The following TAFA5 variants were observed in gnomAD, a reference collection of about 807,000 sequenced individuals.
TAFA5 encodes the protein chemokine-like protein TAFA-5.
A neutral mutation model predicts 15.3 loss-of-function variants in TAFA5; 6 were observed. The observed-to-expected ratio is 0.39, with a 90% CI of 0.21 to 0.77. The LOEUF (loss-of-function observed/expected upper bound fraction) is 0.77. Ranked by LOEUF, TAFA5 falls within the 30% of genes least tolerant of loss-of-function variation. The pLI is 0.41. For synonymous variants in TAFA5, 103 were observed against 80.7 expected (o/e 1.28, Z -1.48); for missense variants, 161 against 193.1 (o/e 0.83, Z 0.98).
intron 1 of TAFA5, among the ~76,000 whole-genome samples, chr22:48,532,317 G>A (rs779879128): frequency 5.9e-5 from 9 of 152,172 alleles, no homozygotes; most frequent in Non-Finnish European, 1.2e-4. Flanking sequence ...TATTTACTCC[G>A]CACCTTTTCA....
intron 1 of TAFA5, among the ~76,000 whole-genome samples, chr22:48,584,338 ACACACAC>A: frequency 6.7e-6 from 1 of 148,188 alleles, no homozygotes; most frequent in Admixed American, 6.7e-5. Context: ...CACAGATATC[ACACACAC>A]CACACACACC....
chr22:48,673,564 GC>G (rs1199584672), intron 2 of TAFA5, among the ~76,000 whole-genome samples: 4 of 152,192 alleles, frequency 2.6e-5, no homozygotes, highest in African/African-American at 9.7e-5. Flanking sequence ...GGGTGGGATG[GC>G]TGGTGCCCTG....
chr22:48,501,059 C>T (rs946322938), intron 1 of TAFA5, among the ~76,000 whole-genome samples: 5 of 152,224 alleles, frequency 3.3e-5, no homozygotes, highest in Non-Finnish European at 1.5e-5. Flanking sequence ...GCTTCTGGCC[C>T]TGCCTTCCTT....
chr22:48,641,878 C>T (rs914270647), intron 1 of TAFA5, among the ~76,000 whole-genome samples: 1 of 152,162 alleles, frequency 6.6e-6, no homozygotes, highest in Non-Finnish European at 1.5e-5. Flanking sequence ...AATGTTTTTC[C>T]TTCTGGTCTT....
chr22:48,597,182 AGG>A (rs1924795604), intron 1 of TAFA5, among the ~76,000 whole-genome samples: 1 of 152,258 alleles, frequency 6.6e-6, no homozygotes, highest in African/African-American at 2.4e-5. Context: ...ATGGTCCCAG[AGG>A]GGAGATAGTC....
At chr22:48,610,215 T>C (rs1388416813) in intron 1 of TAFA5, among the ~76,000 whole-genome samples, 2 of 151,986 alleles carry the variant, frequency 1.3e-5, no homozygotes, top group Non-Finnish European at 2.9e-5. Context: ...GCTGCACTGC[T>C]GCAGGCACGT....
chr22:48,490,604 C>T lies in TAFA5; in HGVS notation c.112+900C>T, dbSNP rs6008733. ...CGCGGCTGGTGGGGTAAGTGGGGGC[C>T]GCTCAGCGTCCCGGGCACAGGCTCT... is the stretch of plus-strand genomic sequence containing the variant. On this transcript the variant is annotated intron_variant, in intron 1 of 3. Transcript: ENST00000402357. The surrounding 1 kb of genome is among the most constrained non-coding windows in gnomAD (Gnocchi z 5.8). Among the ~76,000 whole-genome samples, 21,629 of 151,302 alleles carry T rather than the reference C, an allele frequency of 0.14. 1,869 individuals carry two copies. The highest frequency in any genetic ancestry group is 0.33 in the East Asian group (1,653 of 5,054).
At chr22:48,702,962 G>A (rs55657130) in intron 2 of TAFA5, among the ~76,000 whole-genome samples, 24,373 of 152,316 alleles carry the variant, frequency 0.16, 2,105 homozygotes, top group Non-Finnish European at 0.19. Flanking sequence ...CAGGGACGGG[G>A]CAGGCCTGCT....
intron 1 of TAFA5, among the ~76,000 whole-genome samples, chr22:48,498,397 A>G (rs1920936957): frequency 6.6e-6 from 1 of 152,052 alleles, no homozygotes; most frequent in Non-Finnish European, 1.5e-5. Context: ...CCTGGATTCC[A>G]AAGATATCTT....
chr22:48,694,178 C>G (rs1212552319), intron 2 of TAFA5, among the ~76,000 whole-genome samples: 1 of 152,106 alleles, frequency 6.6e-6, no homozygotes, highest in Non-Finnish European at 1.5e-5. Context: ...TAATTGATTC[C>G]CCATAGGTAG....
At chr22:48,502,724 G>C (rs1236478401) in intron 1 of TAFA5, among the ~76,000 whole-genome samples, 4 of 152,094 alleles carry the variant, frequency 2.6e-5, no homozygotes, top group East Asian at 3.9e-4. Context: ...GTTTTGCCAT[G>C]TTGGCCGGGC....
intron 1 of TAFA5, among the ~76,000 whole-genome samples, chr22:48,638,652 T>G (rs1435990975): frequency 3.0e-5 from 3 of 99,706 alleles, no homozygotes; most frequent in African/African-American, 1.2e-4. Flanking sequence ...CCCCACACAC[T>G]AAGCCCTGGG....
At chr22:48,656,467 C>T (rs1357475534) in intron 2 of TAFA5, among the ~76,000 whole-genome samples, 1 of 151,214 alleles carries the variant, frequency 6.6e-6, no homozygotes, top group African/African-American at 2.4e-5. Context: ...GATCGCGTCA[C>T]TGAACTCCAG....
At position 48,528,038 on chromosome 22, in the gene TAFA5, C is replaced by T. The variant is rs527728880; in HGVS notation, c.112+38334C>T. On this transcript the variant is annotated intron_variant, in intron 1 of 3. Transcript: ENST00000402357. ...AGGGCACCAGACAGGCAGATGAAAG[C>T]GGCATAGACAGAGCTGGCTTGGCCG... Among the ~76,000 whole-genome samples, 16 of 152,388 alleles carry T rather than the reference C, an allele frequency of 1.0e-4. No individual in the cohort carries two copies. In the East Asian group the frequency reaches 1.5e-3, roughly 15 times the overall value.
chr22:48,747,464 CCTGAT>C (rs1179822589), intron 3 of TAFA5, among the ~76,000 whole-genome samples: 1 of 152,212 alleles, frequency 6.6e-6, no homozygotes, highest in African/African-American at 2.4e-5. Context: ...GAGTGGCCTC[CCTGAT>C]TCCACTTGGG....
chr22:48,685,646 CATCCCATCATGGTTGGGA>C (rs1415668554), intron 2 of TAFA5, among the ~76,000 whole-genome samples: 2 of 152,024 alleles, frequency 1.3e-5, no homozygotes, highest in African/African-American at 4.8e-5. Flanking sequence ...TCTAATCTCC[CATCCCATCATGGTTGGGA>C]ATTCAGTTTG....
At chr22:48,541,922 G>A (rs915993664) in intron 1 of TAFA5, among the ~76,000 whole-genome samples, 2 of 152,184 alleles carry the variant, frequency 1.3e-5, no homozygotes, top group Admixed American at 6.5e-5. Flanking sequence ...CCAGGGGATC[G>A]TGTGGGTGCT....
intron 2 of TAFA5, among the ~76,000 whole-genome samples, chr22:48,670,703 C>T (rs1601659087): frequency 6.6e-6 from 1 of 152,236 alleles, no homozygotes; most frequent in East Asian, 1.9e-4. Context: ...TTTGCCGTCT[C>T]ATCAGGATGT....
intron 2 of TAFA5, among the ~76,000 whole-genome samples, chr22:48,704,776 C>T (rs1038040615): frequency 2.8e-5 from 4 of 141,260 alleles, no homozygotes; most frequent in Middle Eastern, 3.6e-3. Flanking sequence ...CTGTCTCAGC[C>T]GGCTCAGGCT....
Sources: allele counts gnomAD v4.1 joint callset (sites outside exome capture counted in the v4.1 genomes callset), GRCh38; gene constraint gnomAD v4.1.1; non-coding constraint Gnocchi (gnomAD v3.1); transcripts MANE v1.5; gene names NCBI Gene and HGNC (gene_info 2026-07-23, HGNC 2026-07-21).